FHIP1B: variants seen among roughly 807,000 people sequenced by gnomAD.
The protein encoded by FHIP1B is FHF complex subunit HOOK interacting protein 1B, also known as FHF complex subunit HOOK-interacting protein 1B.
In FHIP1B, 28 loss-of-function variants were observed where a neutral mutation model predicts 82.2. That is an observed-to-expected ratio of 0.34 (90% CI 0.25 to 0.47). The LOEUF is 0.47. FHIP1B is among the 20% of genes least tolerant of loss of function. FHIP1B has a pLI of 1.00. For synonymous variants in FHIP1B, 585 were observed against 516.1 expected (o/e 1.13, Z -1.81); for missense variants, 1,110 against 1,262.6 (o/e 0.88, Z 1.83).
At position 6,214,425 on chromosome 11, in the gene FHIP1B, C is replaced by G; in HGVS notation, c.2543G>C (p.Arg848Pro). The G allele has an allele frequency of 6.2e-7, 1 of 1,610,768 alleles. No homozygotes were observed. Among genetic ancestry groups the G allele is most frequent in the South Asian group, 1.1e-5 (1 of 90,696 alleles). Residue 848 changes from arginine (R) to proline (P), a missense_variant, in exon 11 of 12, where the codon CGT (arginine) becomes CCT (proline). Physicochemically the swap from Arg to Pro is moderately radical, Grantham distance 103. Around this residue, in one of 6 missense-constraint regions of FHIP1B, gnomAD observed 147 missense variants for 154.0 expected, o/e 0.95. Coordinates refer to ENST00000449352, the MANE Select transcript of FHIP1B (RefSeq NM_001098794.2). ...EGPAAGPAPR[R>P]SDPLVKSRRP... ...ATAGGCCTCACCTAGGGGATCAGAA[C>G]GGCGTGGGGCAGGTCCTGCTGCAGG...
At chr11:6,215,770 G>A (rs1262659125) in intron 9 of FHIP1B, among the ~76,000 whole-genome samples, 2 of 152,218 alleles carry the variant, frequency 1.3e-5, no homozygotes, top group Non-Finnish European at 2.9e-5. Context: ...ATCACCAGCA[G>A]TAGGCCTCTA....
At position 6,221,753 on chromosome 11, in the gene FHIP1B, C is replaced by T. The variant is rs141820228; in HGVS notation, c.1191+689G>A. Reference sequence around the variant, plus strand: ...AATGTCATCTCTTCAGAGAGGTCTTCCTTGGCCACCCTATTATTTCTAAGC... The same window carrying T: ...AATGTCATCTCTTCAGAGAGGTCTTTCTTGGCCACCCTATTATTTCTAAGC... On this transcript the variant is annotated intron_variant, in intron 6 of 11. Transcript: ENST00000449352. 7.5e-3 allele frequency among the ~76,000 whole-genome samples: 1,149 copies of T among 152,236 alleles called. 8 individuals are homozygous for T. Among genetic ancestry groups the T allele is most frequent in the Middle Eastern group, 0.017 (5 of 294 alleles).
At chr11:6,229,917 C>A (rs1412214380) in intron 1 of FHIP1B, among the ~76,000 whole-genome samples, 1 of 144,360 alleles carries the variant, frequency 6.9e-6, no homozygotes, top group African/African-American at 2.6e-5. Context: ...CAGAACAAGA[C>A]AAAGAAAAGG....
rs1247705576 is a variant in FHIP1B, at chr11:6,214,416, G to A, written c.2552C>T (p.Pro851Leu). Residue 851 changes from proline (P) to leucine (L), a missense_variant, in exon 11 of 12, where the codon CCC becomes CTC. Transcript: ENST00000449352. ...AAGPAPRRSD[P>L]LVKSRRPSLG... ...TGTGGTGGGATAGGCCTCACCTAGG[G>A]GATCAGAACGGCGTGGGGCAGGTCC... 2 of 1,608,332 alleles carry A rather than the reference G, an allele frequency of 1.2e-6. No homozygotes were observed. The highest frequency in any genetic ancestry group is 1.7e-6 in the Non-Finnish European group (2 of 1,176,926).
chr11:6,223,067 C>T lies in FHIP1B; in HGVS notation c.936+13G>A, dbSNP rs780027720. The T allele has an allele frequency of 6.3e-7, 1 of 1,575,392 alleles. No individual in the cohort carries two copies. Among genetic ancestry groups the T allele is most frequent in the Admixed American group, 1.9e-5 (1 of 52,350 alleles). On this transcript the variant is annotated intron_variant, in intron 4 of 11. Coordinates refer to ENST00000449352, the MANE Select transcript of FHIP1B (RefSeq NM_001098794.2). The surrounding 1 kb of genome is among the most constrained non-coding windows in gnomAD (Gnocchi z 4.8). ...CTCCCAAAAATGACCAAGGGCCAGA[C>T]TTTCAGTCCTACCTGAATTACTGCA...
At chr11:6,214,981 C>A (rs1226074061) in intron 9 of FHIP1B, 70 bp from the exon 10 acceptor site, 5 of 1,385,600 alleles carry the variant, frequency 3.6e-6, no homozygotes, top group East Asian at 2.6e-5. Flanking sequence ...GCATTCCTCC[C>A]CAAAACAAGA....
intron 11 of FHIP1B, among the ~76,000 whole-genome samples, chr11:6,212,805 AC>A (rs1386856436): frequency 6.6e-6 from 1 of 151,808 alleles, no homozygotes; most frequent in African/African-American, 2.4e-5. Context: ...AACTCTCCAC[AC>A]CCCACCTTGC....
chr11:6,231,445 A>C (rs1416442813), intron 1 of FHIP1B, among the ~76,000 whole-genome samples: 1 of 151,856 alleles, frequency 6.6e-6, no homozygotes, highest in Non-Finnish European at 1.5e-5. Flanking sequence ...ACAAAGGAGT[A>C]ATCAACTCAT....
At position 6,217,662 on chromosome 11, in the gene FHIP1B, A is replaced by G; in HGVS notation, c.1924T>C (p.Trp642Arg). 6.2e-7 allele frequency: 1 copy of G among 1,613,944 alleles called. No homozygotes were observed. The highest frequency in any genetic ancestry group is 1.1e-5 in the South Asian group (1 of 91,060). Residue 642 changes from tryptophan to arginine, a missense_variant, in exon 9 of 12, where the codon TGG (tryptophan) becomes CGG (arginine). Coordinates refer to ENST00000449352, the MANE Select transcript of FHIP1B (RefSeq NM_001098794.2). The part of the protein sequence containing the change: ...PPQLNGVPGS[W>R]PEGAKKVRLV... The stretch of plus-strand genomic sequence containing the variant: ...CGAACCTTCTTGGCCCCCTCAGGCC[A>G]TGATCCTGGCACTCCATTGAGCTGG...
At chr11:6,231,472 T>C (rs1847696959) in intron 1 of FHIP1B, among the ~76,000 whole-genome samples, 1 of 148,930 alleles carries the variant, frequency 6.7e-6, no homozygotes, top group Non-Finnish European at 1.5e-5. Context: ...ATATTTTCTT[T>C]TTTTTTTTTT....
At chr11:6,227,476 G>A (rs1272699091) in intron 1 of FHIP1B, among the ~76,000 whole-genome samples, 1 of 152,214 alleles carries the variant, frequency 6.6e-6, no homozygotes, top group East Asian at 1.9e-4. Context: ...TTCAGTAAAA[G>A]ATAAAGCCAT....
At chr11:6,229,125 G>T (rs988157578) in intron 1 of FHIP1B, among the ~76,000 whole-genome samples, 1 of 152,106 alleles carries the variant, frequency 6.6e-6, no homozygotes. Context: ...TTTCTCAATC[G>T]TATCTCATTT....
At chr11:6,211,944 C>T (rs1369940243) in intron 11 of FHIP1B, 77 bp from the exon 12 acceptor site, 1 of 1,478,516 alleles carries the variant, frequency 6.8e-7, no homozygotes, top group Middle Eastern at 2.3e-4. Flanking sequence ...GATTCCCCCA[C>T]CCCCTAGGTT....
chr11:6,227,327 C>G (rs184308460), intron 1 of FHIP1B, among the ~76,000 whole-genome samples: 4 of 152,340 alleles, frequency 2.6e-5, no homozygotes, highest in Admixed American at 2.6e-4. Flanking sequence ...AATTGCCCAA[C>G]ATTACCCAGC....
chr11:6,214,538 A>C lies in FHIP1B; in HGVS notation c.2430T>G (p.Phe810Leu). ...CTGGGAAGTCCTCCTGGGAAGCCGC[A>C]AAGTTCTCAATCTTATTCTTCACAG... ...LGSVKNKIEN[F>L]AASQEDFPAL... is the part of the protein sequence containing the mutation. The change falls in exon 11 of 12, where the codon TTT (phenylalanine) becomes TTG (leucine). Residue 810 changes from phenylalanine to leucine, a missense_variant. Phe to Leu is a conservative substitution (Grantham distance 22). Transcript: ENST00000449352. The C allele has an allele frequency of 6.2e-7, 1 of 1,613,904 alleles. No homozygotes were observed. Among genetic ancestry groups the C allele is most frequent in the Non-Finnish European group, 8.5e-7 (1 of 1,179,850 alleles).
At chr11:6,228,753 T>C (rs1399735977) in intron 1 of FHIP1B, among the ~76,000 whole-genome samples, 1 of 152,246 alleles carries the variant, frequency 6.6e-6, no homozygotes, top group Non-Finnish European at 1.5e-5. Context: ...GAAGCACTGC[T>C]AAGTCTTTCA....
rs370074542 is a variant in FHIP1B, at chr11:6,211,680, T to A, written c.2745A>T (p.Gln915His). Residue 915 changes from glutamine (Q) to histidine (H), a missense_variant, in exon 12 of 12, where the codon CAA becomes CAT. Gln to His is a conservative substitution (Grantham distance 24). Transcript: ENST00000449352. ...CATTCTTGACTCGAAGAGCCTCACC[T>A]TGGCGTTCAGGGGCCCCGCCCCGGG... is the stretch of plus-strand genomic sequence containing the variant. ...LLTRGGAPER[Q>H]GEALRVKNAV... 6.2e-7 allele frequency: 1 copy of A among 1,614,164 alleles called. No homozygotes were observed. The highest frequency in any genetic ancestry group is 8.5e-7 in the Non-Finnish European group (1 of 1,180,018).
At position 6,219,009 on chromosome 11, in the gene FHIP1B, G is replaced by A. The variant is rs1388289234; in HGVS notation, c.1233C>T (p.Asn411=). ...GCAGCAGGACATCCTCACAGCTGAGGTTCAGGAGGGTCCTGAAGAGACTCA... is the reference window on the plus strand; with the variant it reads ...GCAGCAGGACATCCTCACAGCTGAGATTCAGGAGGGTCCTGAAGAGACTCA... ...VSLSLFRTLL[N]LSCEDVLLQL... The change falls in exon 7 of 12, where the codon AAC becomes AAT. Residue 411 remains asparagine (N), a synonymous_variant. Coordinates refer to ENST00000449352, the MANE Select transcript of FHIP1B (RefSeq NM_001098794.2). 10 of 1,613,446 alleles carry A rather than the reference G, an allele frequency of 6.2e-6. No individual in the cohort carries two copies. Among genetic ancestry groups the A allele is most frequent in the Non-Finnish European group, 8.5e-6 (10 of 1,179,766 alleles).
Position 6,218,002 on chromosome 11 carries a change from T to C in FHIP1B, c.1584A>G (p.Ala528=), listed in dbSNP as rs1380106170. Residue 528 remains alanine (A), a synonymous_variant, in exon 9 of 12, where the codon GCA becomes GCG. Transcript: ENST00000449352. The part of the protein sequence containing the change: ...GPAPCSPGLS[A]SPASSPGRRP... ...GTCGGCCAGGGCTGGAGGCGGGGGATGCAGAAAGCCCTGGTGAGCAAGGGG... is the reference window on the plus strand; with the variant it reads ...GTCGGCCAGGGCTGGAGGCGGGGGACGCAGAAAGCCCTGGTGAGCAAGGGG... The C allele has an allele frequency of 2.5e-6, 4 of 1,613,516 alleles. No homozygotes were observed. The highest frequency in any genetic ancestry group is 2.2e-5 in the East Asian group (1 of 44,858).
Sources: allele counts gnomAD v4.1 joint callset (sites outside exome capture counted in the v4.1 genomes callset), GRCh38; gene constraint gnomAD v4.1.1; regional missense constraint gnomAD v4.1.1; non-coding constraint Gnocchi (gnomAD v3.1); transcripts MANE v1.5; gene names NCBI Gene and HGNC (gene_info 2026-07-23, HGNC 2026-07-21).